Variants in DSCAM observed in about 807,000 individuals in gnomAD.
The protein encoded by DSCAM is DS cell adhesion molecule, also known as cell adhesion molecule DSCAM.
DSCAM carries 47 observed loss-of-function variants against 217.7 expected under a neutral mutation model. That is an observed-to-expected ratio of 0.22 (90% CI 0.17 to 0.28). DSCAM has a LOEUF of 0.28. Ranked by LOEUF, DSCAM falls within the 10% of genes least tolerant of loss-of-function variation. The pLI is 1.00. For missense variants in DSCAM, 2,080 were observed against 2,618.3 expected (o/e 0.79, Z 4.49); for synonymous variants, 1,056 against 1,015.3 (o/e 1.04, Z -0.76).
At chr21:40,290,526 C>A (rs1008752840) in intron 10 of DSCAM, among the ~76,000 whole-genome samples, 2 of 152,144 alleles carry the variant, frequency 1.3e-5, no homozygotes, top group Non-Finnish European at 2.9e-5. Flanking sequence ...GAGGCTGAGG[C>A]AGAAGAATCT....
At chr21:40,192,160 A>G (rs2090958531) in intron 11 of DSCAM, among the ~76,000 whole-genome samples, 2 of 152,120 alleles carry the variant, frequency 1.3e-5, no homozygotes, top group Admixed American at 6.5e-5. Flanking sequence ...CATTACCCCA[A>G]AAGATTTCTC....
intron 3 of DSCAM, among the ~76,000 whole-genome samples, chr21:40,592,720 C>G (rs2076992635): frequency 6.6e-6 from 1 of 152,232 alleles, no homozygotes. Context: ...ATCCATCACC[C>G]TCACCCCATG....
At chr21:40,123,885 T>A (rs574229599) in intron 20 of DSCAM, among the ~76,000 whole-genome samples, 10 of 152,296 alleles carry the variant, frequency 6.6e-5, no homozygotes, top group African/African-American at 2.4e-4. Flanking sequence ...TGTTGTCCAC[T>A]GACTATCAAT....
At chr21:40,139,206 T>C (rs1002040912) in intron 18 of DSCAM, among the ~76,000 whole-genome samples, 9 of 151,330 alleles carry the variant, frequency 5.9e-5, no homozygotes, top group African/African-American at 1.9e-4. Flanking sequence ...CTGAGACAGG[T>C]CTCAGTTAAT....
At chr21:40,057,330 A>C (rs2089041346) in intron 28 of DSCAM, among the ~76,000 whole-genome samples, 1 of 152,174 alleles carries the variant, frequency 6.6e-6, no homozygotes, top group Non-Finnish European at 1.5e-5. Context: ...AAATTCAAAT[A>C]ATCAAATAAA....
chr21:40,827,853 C>G (rs1161574507), intron 1 of DSCAM, among the ~76,000 whole-genome samples: 1 of 152,154 alleles, frequency 6.6e-6, no homozygotes. Context: ...CTGTAAGGAC[C>G]TCACATCAAG....
chr21:40,147,522 T>A (rs1019561831), intron 16 of DSCAM, among the ~76,000 whole-genome samples: 1 of 151,672 alleles, frequency 6.6e-6, no homozygotes, highest in African/African-American at 2.4e-5. Context: ...AGTCCTGTGG[T>A]TCTAAAATAA....
At chr21:40,120,239 G>C (rs2090018450) in intron 20 of DSCAM, among the ~76,000 whole-genome samples, 1 of 152,180 alleles carries the variant, frequency 6.6e-6, no homozygotes, top group Non-Finnish European at 1.5e-5. Flanking sequence ...TCTGAAGCTG[G>C]AATAACCAAT....
In DSCAM at chr21:40,663,730, T is replaced by C. The variant is rs150230989; in HGVS notation, c.508+29080A>G. The stretch of plus-strand genomic sequence containing the variant: ...CATGCTAGGTATGCCAAGGAGCCAA[T>C]CTAAACCAGAGTACTCCAAGAGCAG... On this transcript the variant is annotated intron_variant, in intron 3 of 32. Transcript: ENST00000400454. 4.6e-5 allele frequency among the ~76,000 whole-genome samples: 7 copies of C among 152,252 alleles called. No individual in the cohort carries two copies. In the East Asian group the frequency reaches 1.4e-3, roughly 30 times the overall value.
chr21:40,639,021 G>A (rs923126423), intron 3 of DSCAM, among the ~76,000 whole-genome samples: 2 of 151,792 alleles, frequency 1.3e-5, no homozygotes, highest in Admixed American at 6.6e-5. Context: ...TTTCAGCAGG[G>A]GATTCCCATG....
At chr21:40,730,539 C>T (rs747413456) in intron 1 of DSCAM, among the ~76,000 whole-genome samples, 7 of 152,174 alleles carry the variant, frequency 4.6e-5, no homozygotes, top group African/African-American at 1.2e-4. Flanking sequence ...TCTGTAAAGA[C>T]ATAACTGTTC....
At chr21:40,414,171 C>G (rs1005104338) in intron 3 of DSCAM, among the ~76,000 whole-genome samples, 1 of 152,048 alleles carries the variant, frequency 6.6e-6, no homozygotes, top group Non-Finnish European at 1.5e-5. Flanking sequence ...TCCAAAAATA[C>G]GTTTAAGAAA....
intron 3 of DSCAM, among the ~76,000 whole-genome samples, chr21:40,575,108 G>A (rs990005742): frequency 6.7e-6 from 1 of 149,744 alleles, no homozygotes; most frequent in Non-Finnish European, 1.5e-5. Flanking sequence ...CACAAAAGAA[G>A]TGAAAATGGC....
intron 3 of DSCAM, among the ~76,000 whole-genome samples, chr21:40,629,076 GGTGTGTGTGTGTGTGTGTGTGTGTGT>G (rs57351838): frequency 0.018 from 2,626 of 144,344 alleles, 86 homozygotes; most frequent in African/African-American, 0.065. Flanking sequence ...GTGTGTGTGT[GGTGTGTGTGTGTGTGTGTGTGTGTGT>G]GTGTGTGTGT....
chr21:40,414,273 A>G (rs146334438), intron 3 of DSCAM, among the ~76,000 whole-genome samples: 3 of 152,228 alleles, frequency 2.0e-5, no homozygotes, highest in Non-Finnish European at 4.4e-5. Flanking sequence ...AGTTCTTAGA[A>G]CTCGACTATA....
chr21:40,689,197 A>G (rs550476752), intron 3 of DSCAM, among the ~76,000 whole-genome samples: 1 of 152,352 alleles, frequency 6.6e-6, no homozygotes, highest in Non-Finnish European at 1.5e-5. Context: ...GAAATACACA[A>G]ACATCTTTAA....
rs146946020 is a variant in DSCAM, at chr21:40,822,244, G to A, written c.43+24375C>T. Reference sequence around the variant, plus strand: ...TGAGGTGGGAGAATCACTTGAACCCGGGAAGCAGGGGTTGCAGCGAGCCAA... The same window carrying A: ...TGAGGTGGGAGAATCACTTGAACCCAGGAAGCAGGGGTTGCAGCGAGCCAA... On this transcript the variant is annotated intron_variant, in intron 1 of 32. Coordinates refer to ENST00000400454, the MANE Select transcript of DSCAM (RefSeq NM_001389.5). 9.4e-3 allele frequency among the ~76,000 whole-genome samples: 1,343 copies of A among 142,288 alleles called. 17 individuals are homozygous for A. The highest frequency in any genetic ancestry group is 0.032 in the African/African-American group (1,262 of 38,836). The allele number at this position is 142,288 out of a possible 152,430, so 93.3% of individuals were successfully genotyped here.
rs367582523 is a variant in DSCAM at position 40,072,508 on chromosome 21, G to A, written c.4888+2529C>T. ...ACTACAGGCGCCCGCCACCACCCCCGGCTAATTTTTTTTGTATTTTTAGTA... is the reference window on the plus strand; with the variant it reads ...ACTACAGGCGCCCGCCACCACCCCCAGCTAATTTTTTTTGTATTTTTAGTA... On this transcript the variant is annotated intron_variant, in intron 27 of 32. Transcript: ENST00000400454. Among the ~76,000 whole-genome samples, 9 of 151,990 alleles carry A rather than the reference G, an allele frequency of 5.9e-5. No homozygotes were observed. The East Asian group carries it at 1.2e-3, about 20-fold the overall frequency.
intron 6 of DSCAM, among the ~76,000 whole-genome samples, chr21:40,342,630 A>G (rs868228831): frequency 0.015 from 1,080 of 74,280 alleles, 26 homozygotes; most frequent in African/African-American, 0.065. Flanking sequence ...GTGTGTGTAT[A>G]TATATATATA....
Sources: gnomAD v4.1 joint callset for allele counts (sites outside exome capture counted in the v4.1 genomes callset) on GRCh38, gnomAD v4.1.1 for gene constraint, MANE v1.5 for transcripts, NCBI Gene and HGNC (gene_info 2026-07-23, HGNC 2026-07-21) for gene names.